The following BCL9 variants were observed in gnomAD, a reference collection of about 807,000 sequenced individuals.
BCL9 encodes the protein B-cell CLL/lymphoma 9 protein.
In BCL9, 25 loss-of-function variants were observed where a neutral mutation model predicts 88.5. That is an observed-to-expected ratio of 0.28 (90% CI 0.21 to 0.39). The LOEUF (loss-of-function observed/expected upper bound fraction) is 0.39, where lower values mean the gene tolerates loss of function less well. BCL9 is among the 10% of genes least tolerant of loss of function. The pLI is 1.00. For missense variants in BCL9, 1,817 were observed against 1,877.8 expected (o/e 0.97, Z 0.60); for synonymous variants, 711 against 673.3 (o/e 1.06, Z -0.87).
At chr1:147,615,736 G>A in intron 6 of BCL9, 67 bp from the exon 7 acceptor site, 8 of 1,296,320 alleles carry the variant, frequency 6.2e-6, no homozygotes, top group Non-Finnish European at 8.9e-6. Flanking sequence ...TGGTTAAAGT[G>A]CTTTGGAATT....
At chr1:147,560,325 C>T (rs587671170) in intron 1 of BCL9, among the ~76,000 whole-genome samples, 89 of 152,242 alleles carry the variant, frequency 5.8e-4, no homozygotes, top group African/African-American at 1.9e-3. Flanking sequence ...CGCGGTGGCT[C>T]ACACCTGTAA....
At chr1:147,607,814 T>C (rs1326389978) in intron 3 of BCL9, among the ~76,000 whole-genome samples, 3 of 152,144 alleles carry the variant, frequency 2.0e-5, no homozygotes, top group African/African-American at 7.2e-5. Flanking sequence ...AATTGAAGAA[T>C]TCATGTTTGA....
chr1:147,602,418 G>A (rs1437168687), intron 1 of BCL9, among the ~76,000 whole-genome samples: 3 of 151,972 alleles, frequency 2.0e-5, no homozygotes, highest in African/African-American at 7.3e-5. Context: ...CACCATGTTG[G>A]CCAGGCTGGT....
intron 1 of BCL9, among the ~76,000 whole-genome samples, chr1:147,558,299 A>G (rs1655208455): frequency 6.6e-6 from 1 of 152,138 alleles, no homozygotes; most frequent in Admixed American, 6.5e-5. Context: ...GCTGATTGAA[A>G]TCAGCACTTG....
intron 3 of BCL9, among the ~76,000 whole-genome samples, chr1:147,608,632 G>A (rs1195870654): frequency 1.3e-5 from 2 of 152,288 alleles, no homozygotes; most frequent in South Asian, 2.1e-4. Flanking sequence ...GCAAGTCCAG[G>A]TATTGGGAGT....
intron 1 of BCL9, among the ~76,000 whole-genome samples, chr1:147,604,258 C>T (rs1657541442): frequency 6.6e-6 from 1 of 152,202 alleles, no homozygotes; most frequent in African/African-American, 2.4e-5. Flanking sequence ...CAGGTCTATC[C>T]ACAGACCTCT....
intron 3 of BCL9, among the ~76,000 whole-genome samples, chr1:147,608,902 A>C (rs1396032523): frequency 1.3e-5 from 2 of 152,216 alleles, no homozygotes; most frequent in African/African-American, 4.8e-5. Flanking sequence ...TTAAATGCCC[A>C]CTACCACTTA....
In BCL9 at chr1:147,618,965, C is replaced by G. The variant is rs1047347707; in HGVS notation, c.810C>G (p.Pro270=). ...CACCAGCACCCAAGCCTGCCGCACC[C>G]CCACGTCCCCTGGACCGGGAGAGTC... ...IPAPAPKPAA[P]PRPLDRESPG... The change falls in exon 8 of 10, where the codon CCC becomes CCG. Residue 270 remains proline, a synonymous_variant. Coordinates refer to ENST00000234739, the MANE Select transcript of BCL9 (RefSeq NM_004326.4). The G allele has an allele frequency of 6.2e-7, 1 of 1,613,852 alleles. No homozygotes were observed. Among genetic ancestry groups the G allele is most frequent in the Non-Finnish European group, 8.5e-7 (1 of 1,179,850 alleles).
At chr1:147,623,240 C>T (rs138848839) in intron 9 of BCL9, among the ~76,000 whole-genome samples, 203 of 114,302 alleles carry the variant, frequency 1.8e-3, no homozygotes, top group African/African-American at 7.6e-3. Flanking sequence ...CATAAGCCCC[C>T]TGCCACACTC....
intron 5 of BCL9, among the ~76,000 whole-genome samples, chr1:147,613,556 G>A (rs1658121301): frequency 6.6e-6 from 1 of 152,264 alleles, no homozygotes; most frequent in African/African-American, 2.4e-5. Flanking sequence ...GGCCCCCACT[G>A]GGGTAGTTTT....
intron 8 of BCL9, 117 bp from the exon 9 acceptor site, chr1:147,622,154 C>G: frequency 7.3e-7 from 1 of 1,375,198 alleles, no homozygotes; most frequent in South Asian, 1.3e-5. Context: ...GATCTAATAA[C>G]ACTGTCCTGT....
intron 1 of BCL9, among the ~76,000 whole-genome samples, chr1:147,542,394 T>A (rs587703524): frequency 6.6e-6 from 1 of 152,346 alleles, no homozygotes; most frequent in East Asian, 1.9e-4. Context: ...TTTCCCCATC[T>A]GTAAAATCAA....
intron 1 of BCL9, among the ~76,000 whole-genome samples, chr1:147,594,264 C>T (rs782736346): frequency 1.6e-4 from 24 of 152,092 alleles, no homozygotes; most frequent in Non-Finnish European, 2.8e-4. Context: ...TTGCAACGGT[C>T]CCATCTTGGA....
At position 147,619,029 on chromosome 1, in the gene BCL9, C is replaced by T; in HGVS notation, c.874C>T (p.Pro292Ser). The change falls in exon 8 of 10, where the codon CCT becomes TCT. Residue 292 changes from proline to serine, a missense_variant. This residue lies in a region of BCL9 where 1,228 missense variants were observed against 1,191.6 expected (regional missense o/e 1.03). Coordinates refer to ENST00000234739, the MANE Select transcript of BCL9 (RefSeq NM_004326.4). The surrounding 1 kb of genome is among the most constrained non-coding windows in gnomAD (Gnocchi z 4.1). Reference sequence around the variant, plus strand: ...CAAACTGATTCCTTCTGTAGGAAGTCCTGCCAGCTCCACTCCACTGCCCCC... The same window carrying T: ...CAAACTGATTCCTTCTGTAGGAAGTTCTGCCAGCTCCACTCCACTGCCCCC... The part of the protein sequence containing the change: ...ENKLIPSVGS[P>S]ASSTPLPPDG... The T allele has an allele frequency of 3.7e-6, 6 of 1,609,546 alleles. No individual in the cohort carries two copies. The highest frequency in any genetic ancestry group is 5.1e-6 in the Non-Finnish European group (6 of 1,177,546).
chr1:147,551,604 GAAT>G (rs1446026379), intron 1 of BCL9, among the ~76,000 whole-genome samples: 1 of 152,220 alleles, frequency 6.6e-6, no homozygotes, highest in Non-Finnish European at 1.5e-5. Context: ...TCATCCTCAT[GAAT>G]GGATTAGCAC....
intron 1 of BCL9, among the ~76,000 whole-genome samples, chr1:147,568,219 G>A (rs781999600): frequency 1.3e-5 from 2 of 152,134 alleles, no homozygotes; most frequent in African/African-American, 2.4e-5. Flanking sequence ...CACTTTATGG[G>A]GAAGCATTGT....
chr1:147,591,863 G>A (rs185426370), intron 1 of BCL9, among the ~76,000 whole-genome samples: 16 of 152,164 alleles, frequency 1.1e-4, no homozygotes, highest in Admixed American at 8.5e-4. Flanking sequence ...TGGTTTGTGC[G>A]GTGTCTGTAA....
rs1185851461 is a variant in BCL9 at position 147,624,355 on chromosome 1, C to G, written c.3677C>G (p.Pro1226Arg). ...CCAGATCTGCAGGAGGTCATCCGAC[C>G]TGGAGCCACCGGAATACCTGAGTTT... Reference protein sequence around the residue: ...TDPDLQEVIRPGATGIPEFDL... With the variant: ...TDPDLQEVIRRGATGIPEFDL... The change falls in exon 10 of 10, where the codon CCT becomes CGT. Residue 1226 changes from proline (P) to arginine (R), a missense_variant. Pro to Arg is a moderately radical substitution (Grantham distance 103, BLOSUM62 -2). Transcript: ENST00000234739. The surrounding 1 kb of genome is among the most constrained non-coding windows in gnomAD (Gnocchi z 4.4). 6.2e-7 allele frequency: 1 copy of G among 1,614,212 alleles called. No individual in the cohort carries two copies. The highest frequency in any genetic ancestry group is 8.5e-7 in the Non-Finnish European group (1 of 1,180,028).
At chr1:147,570,786 C>T (rs1415597548) in intron 1 of BCL9, among the ~76,000 whole-genome samples, 1 of 151,914 alleles carries the variant, frequency 6.6e-6, no homozygotes, top group Non-Finnish European at 1.5e-5. Flanking sequence ...CAGGCATGCG[C>T]CACCACGCCT....
Sources: gnomAD v4.1 joint callset for allele counts (sites outside exome capture counted in the v4.1 genomes callset) on GRCh38, gnomAD v4.1.1 for gene constraint, gnomAD v4.1.1 regional missense constraint, Gnocchi (gnomAD v3.1) non-coding constraint, MANE v1.5 for transcripts, NCBI Gene and HGNC (gene_info 2026-07-23, HGNC 2026-07-21) for gene names.